The following TLCD4 variants were observed in gnomAD, a reference collection of about 807,000 sequenced individuals.
The protein encoded by TLCD4 is TLC domain containing 4, also known as TLC domain-containing protein 4.
In TLCD4, 7 loss-of-function variants were observed where a neutral mutation model predicts 24.2. That is an observed-to-expected ratio of 0.29 (90% CI 0.16 to 0.54). The LOEUF (loss-of-function observed/expected upper bound fraction) is 0.54, where lower values mean the gene tolerates loss of function less well. Ranked by LOEUF, TLCD4 falls within the 20% of genes least tolerant of loss-of-function variation. The pLI is 0.95. For missense variants in TLCD4, 259 were observed against 313.9 expected, an observed-to-expected ratio of 0.82 and a Z score of 1.32; for synonymous variants, 103 against 106.4, an observed-to-expected ratio of 0.97 and a Z score of 0.20.
At chr1:95,170,391 G>C (rs969812078) in intron 5 of TLCD4, among the ~76,000 whole-genome samples, 5 of 147,968 alleles carry the variant, frequency 3.4e-5, no homozygotes, top group African/African-American at 1.2e-4. Flanking sequence ...GTGCAGTGGC[G>C]TGATTTCGGC....
chr1:95,169,327 T>G (rs1678128451), intron 5 of TLCD4, among the ~76,000 whole-genome samples: 1 of 152,218 alleles, frequency 6.6e-6, no homozygotes, highest in African/African-American at 2.4e-5. Context: ...CCATTCTCTT[T>G]GGGAAGAGGA....
chr1:95,157,480 A>G (rs1310545951), intron 5 of TLCD4, among the ~76,000 whole-genome samples: 4 of 152,204 alleles, frequency 2.6e-5, no homozygotes, highest in Non-Finnish European at 4.4e-5. Flanking sequence ...GTTGGCTTAA[A>G]ATGTGACATT....
chr1:95,125,287 C>T (rs747184419), intron 1 of TLCD4, among the ~76,000 whole-genome samples: 5 of 152,144 alleles, frequency 3.3e-5, no homozygotes, highest in African/African-American at 1.2e-4. Context: ...ACATCTGATT[C>T]GTTTTGCACA....
chr1:95,166,878 G>A (rs141366048), intron 5 of TLCD4, among the ~76,000 whole-genome samples: 391 of 151,914 alleles, frequency 2.6e-3, no homozygotes, highest in Non-Finnish European at 4.6e-3. Context: ...ATAGGCACAC[G>A]CCACCATGCC....
chr1:95,188,878 C>T (rs74103693), intron 6 of TLCD4, among the ~76,000 whole-genome samples: 7,066 of 152,204 alleles, frequency 0.046, 315 homozygotes, highest in East Asian at 0.12. Context: ...GAAGCCAACA[C>T]GTGGATGCCA....
chr1:95,145,432 A>G (rs1407800985), intron 2 of TLCD4, among the ~76,000 whole-genome samples: 2 of 152,146 alleles, frequency 1.3e-5, no homozygotes, highest in Non-Finnish European at 2.9e-5. Context: ...ACAGTGATGT[A>G]TCGGGTTCAT....
chr1:95,093,513 A>T, the TLCD4 span, among the ~76,000 whole-genome samples: 1 of 152,164 alleles, frequency 6.6e-6, no homozygotes, highest in Non-Finnish European at 1.5e-5. Context: ...ACTGACCTTG[A>T]GCTGGCTGCA....
intron 5 of TLCD4, among the ~76,000 whole-genome samples, chr1:95,161,150 G>A (rs1310372105): frequency 6.6e-6 from 1 of 152,134 alleles, no homozygotes; most frequent in Non-Finnish European, 1.5e-5. Context: ...TTTTTGATTG[G>A]TAGGCTATTA....
chr1:95,181,672 C>T (rs1406315698), intron 6 of TLCD4, among the ~76,000 whole-genome samples: 1 of 152,046 alleles, frequency 6.6e-6, no homozygotes, highest in Non-Finnish European at 1.5e-5. Context: ...TCTTGGCTCA[C>T]TGCAACCTCC....
chr1:95,128,248 G>A (rs1338844018), intron 1 of TLCD4, among the ~76,000 whole-genome samples: 17 of 152,164 alleles, frequency 1.1e-4, no homozygotes, highest in Non-Finnish European at 1.5e-5. Context: ...GGAGCTGAAG[G>A]GAGAGATGGA....
In TLCD4 at chr1:95,150,281, G is replaced by A; in HGVS notation, c.304+15G>A. 1 of 1,607,832 alleles carries A rather than the reference G, an allele frequency of 6.2e-7. No homozygotes were observed. The highest frequency in any genetic ancestry group is 8.5e-7 in the Non-Finnish European group (1 of 1,178,700). On this transcript the variant is annotated intron_variant, in intron 4 of 6. Transcript: ENST00000370203. ...CCTCATTTCTGGTATGTGAGATGTTGTTTTATTGTCTAATTCCTTGTAAAC... is the reference window on the plus strand; with the variant it reads ...CCTCATTTCTGGTATGTGAGATGTTATTTTATTGTCTAATTCCTTGTAAAC...
intron 5 of TLCD4, among the ~76,000 whole-genome samples, chr1:95,160,016 A>C (rs993724456): frequency 5.3e-5 from 8 of 152,178 alleles, no homozygotes; most frequent in South Asian, 2.1e-4. Flanking sequence ...TATGAACTTT[A>C]AAGTAGTTTT....
chr1:95,167,138 C>T (rs1678044475), intron 5 of TLCD4, among the ~76,000 whole-genome samples: 1 of 151,878 alleles, frequency 6.6e-6, no homozygotes, highest in African/African-American at 2.4e-5. Context: ...ATTCTCATGT[C>T]AGTCTTGCTA....
At chr1:95,104,080 C>T in the TLCD4 span, among the ~76,000 whole-genome samples, 1 of 152,200 alleles carries the variant, frequency 6.6e-6, no homozygotes, top group African/African-American at 2.4e-5. Context: ...CAGCCCTTTA[C>T]ATCACTTGGC....
intron 5 of TLCD4, chr1:95,164,850 A>G (rs2100973378): frequency 6.6e-6 from 1 of 152,354 alleles, no homozygotes; most frequent in South Asian, 2.1e-4. Flanking sequence ...TTGTATTAAA[A>G]TAGTTGATTG....
chr1:95,154,072 G>A (rs1677564882), intron 5 of TLCD4, among the ~76,000 whole-genome samples: 1 of 152,178 alleles, frequency 6.6e-6, no homozygotes, highest in Admixed American at 6.6e-5. Context: ...GATACAATCA[G>A]CAGAAGCTTT....
intron 1 of TLCD4, among the ~76,000 whole-genome samples, chr1:95,122,355 T>C (rs920952613): frequency 6.6e-6 from 1 of 152,178 alleles, no homozygotes; most frequent in African/African-American, 2.4e-5. Context: ...TGGGACTCTG[T>C]CTAAAACAAA....
intron 6 of TLCD4, among the ~76,000 whole-genome samples, chr1:95,177,017 C>T (rs1678455955): frequency 6.6e-6 from 1 of 152,146 alleles, no homozygotes; most frequent in Non-Finnish European, 1.5e-5. Flanking sequence ...TCTCTCAGTC[C>T]TTTCCTCACA....
chr1:95,161,368 A>T (rs1318942119), intron 5 of TLCD4, among the ~76,000 whole-genome samples: 1 of 152,062 alleles, frequency 6.6e-6, no homozygotes, highest in Non-Finnish European at 1.5e-5. Flanking sequence ...ATCATTTTTT[A>T]TTGCATCTAT....
Sources: allele counts gnomAD v4.1 joint callset (sites outside exome capture counted in the v4.1 genomes callset), GRCh38; gene constraint gnomAD v4.1.1; transcripts MANE v1.5; gene names NCBI Gene and HGNC (gene_info 2026-07-23, HGNC 2026-07-21).